PTPRD: variants seen among roughly 807,000 people sequenced by gnomAD.
PTPRD encodes receptor-type tyrosine-protein phosphatase delta.
Under a neutral mutation model 214.5 loss-of-function variants are expected in PTPRD, and 34 were observed. The observed-to-expected ratio is 0.16, with a 90% CI of 0.12 to 0.21. The LOEUF (loss-of-function observed/expected upper bound fraction) is 0.21, where lower values mean the gene tolerates loss of function less well. Ranked by LOEUF, PTPRD falls within the 10% of genes least tolerant of loss-of-function variation. The pLI, the probability that PTPRD is intolerant of heterozygous loss-of-function variation, is 1.00. For missense variants in PTPRD, 2,545 were observed against 2,398.7 expected (o/e 1.06, Z -1.27); for synonymous variants, 1,128 against 845.7 (o/e 1.33, Z -5.79).
At chr9:9,222,077 C>G (rs1389035261) in intron 9 of PTPRD, among the ~76,000 whole-genome samples, 1 of 151,986 alleles carries the variant, frequency 6.6e-6, no homozygotes, top group Non-Finnish European at 1.5e-5. Flanking sequence ...ACTAGAACTG[C>G]CAAATGTATC....
rs993335367 is a variant in PTPRD, at chr9:8,659,131, C to T, written c.65-22287G>A. 2.0e-5 allele frequency among the ~76,000 whole-genome samples: 3 copies of T among 151,980 alleles called. No homozygotes were observed. In the South Asian group the frequency reaches 6.2e-4, roughly 32 times the overall value. On this transcript the variant is annotated intron_variant, in intron 12 of 45. Coordinates refer to ENST00000381196, the MANE Select transcript of PTPRD (RefSeq NM_002839.4). ...ACTGTGCCATTCCTTTGAAGCAGAACATTTCTGAATGAGAGGGGCATGATA... is the reference window on the plus strand; with the variant it reads ...ACTGTGCCATTCCTTTGAAGCAGAATATTTCTGAATGAGAGGGGCATGATA...
At chr9:9,220,306 T>A (rs1299791946) in intron 9 of PTPRD, among the ~76,000 whole-genome samples, 1 of 26,526 alleles carries the variant, frequency 3.8e-5, no homozygotes, top group Admixed American at 6.0e-4. Flanking sequence ...TAAACTTGCT[T>A]TTGCTTTTTT....
rs561129555 is a variant in PTPRD at position 9,275,593 on chromosome 9, G to C, written c.-202-92230C>G. 3.7e-4 allele frequency among the ~76,000 whole-genome samples: 56 copies of C among 151,362 alleles called. 1 individual carries two copies. The South Asian group carries it at 0.012, about 31-fold the overall frequency. On this transcript the variant is annotated intron_variant, in intron 9 of 45. Coordinates refer to ENST00000381196, the MANE Select transcript of PTPRD (RefSeq NM_002839.4). ...TATGCTTTCTGCTTAGGTTGGTCTA[G>C]ACCATTGGCTTGAACTGTAGGATGA...
At chr9:9,902,127 A>C (rs1045166799) in intron 5 of PTPRD, among the ~76,000 whole-genome samples, 1 of 152,140 alleles carries the variant, frequency 6.6e-6, no homozygotes, top group Non-Finnish European at 1.5e-5. Flanking sequence ...GTTTTCATAT[A>C]ATTGATATGT....
At chr9:10,214,061 A>G (rs2099529454) in intron 3 of PTPRD, among the ~76,000 whole-genome samples, 1 of 152,080 alleles carries the variant, frequency 6.6e-6, no homozygotes, top group African/African-American at 2.4e-5. Flanking sequence ...AGCCCCTCAT[A>G]TATGTAAAAG....
chr9:9,019,042 A>G (rs1023808296), intron 10 of PTPRD, among the ~76,000 whole-genome samples: 1 of 152,140 alleles, frequency 6.6e-6, no homozygotes, highest in Admixed American at 6.6e-5. Flanking sequence ...AAGAAATAAC[A>G]TACAGAACCA....
chr9:9,778,166 T>C (rs551479905), intron 5 of PTPRD, among the ~76,000 whole-genome samples: 2 of 152,110 alleles, frequency 1.3e-5, no homozygotes, highest in East Asian at 1.9e-4. Context: ...AGAGGTGACA[T>C]TGAAGGCAAG....
chr9:9,018,481 T>C (rs1467852594), intron 11 of PTPRD, among the ~76,000 whole-genome samples: 1 of 152,210 alleles, frequency 6.6e-6, no homozygotes, highest in East Asian at 1.9e-4. Context: ...CATAATATTT[T>C]TGTGTCTGCC....
intron 9 of PTPRD, among the ~76,000 whole-genome samples, chr9:9,188,307 A>C (rs1250731240): frequency 6.6e-6 from 1 of 152,070 alleles, no homozygotes; most frequent in Non-Finnish European, 1.5e-5. Flanking sequence ...TTCCAGTTTA[A>C]AGCAATTACA....
chr9:9,322,534 T>C (rs1161393559), intron 9 of PTPRD, among the ~76,000 whole-genome samples: 1 of 152,170 alleles, frequency 6.6e-6, no homozygotes, highest in African/African-American at 2.4e-5. Flanking sequence ...GTTTATGTAA[T>C]AGACCATTTT....
intron 5 of PTPRD, among the ~76,000 whole-genome samples, chr9:9,914,600 C>T (rs1461606701): frequency 3.9e-5 from 6 of 152,264 alleles, no homozygotes; most frequent in African/African-American, 4.8e-5. Flanking sequence ...GCCTGCGTTC[C>T]GAGTACGTGT....
At chr9:9,554,540 T>C (rs1351166128) in intron 8 of PTPRD, among the ~76,000 whole-genome samples, 1 of 151,770 alleles carries the variant, frequency 6.6e-6, no homozygotes, top group Non-Finnish European at 1.5e-5. Context: ...TTGAAAGAAA[T>C]ATATTCTGGC....
At chr9:9,913,002 T>A (rs1377941015) in intron 5 of PTPRD, among the ~76,000 whole-genome samples, 3 of 152,192 alleles carry the variant, frequency 2.0e-5, no homozygotes, top group African/African-American at 7.2e-5. Context: ...ACAATCAGAT[T>A]TTCTGTAAAC....
chr9:9,788,341 G>C (rs2098941233), intron 5 of PTPRD, among the ~76,000 whole-genome samples: 2 of 151,144 alleles, frequency 1.3e-5, no homozygotes, highest in Non-Finnish European at 2.9e-5. Flanking sequence ...CACGAAGTCA[G>C]GAGATCGAGA....
At chr9:9,072,331 A>T (rs926632206) in intron 10 of PTPRD, among the ~76,000 whole-genome samples, 1 of 148,128 alleles carries the variant, frequency 6.8e-6, no homozygotes, top group African/African-American at 2.5e-5. Flanking sequence ...ACTCCTTAAT[A>T]TTCCCATTTT....
At chr9:9,646,758 A>G (rs1257457784) in intron 7 of PTPRD, among the ~76,000 whole-genome samples, 3 of 152,292 alleles carry the variant, frequency 2.0e-5, no homozygotes, top group South Asian at 2.1e-4. Context: ...TTTCCTATAC[A>G]TGCATATCTA....
At chr9:9,333,043 T>A (rs986931295) in intron 9 of PTPRD, among the ~76,000 whole-genome samples, 5 of 151,984 alleles carry the variant, frequency 3.3e-5, no homozygotes, top group African/African-American at 1.2e-4. Context: ...ACAGAGCACT[T>A]CAAGCATTTA....
intron 2 of PTPRD, among the ~76,000 whole-genome samples, chr9:10,605,739 T>C (rs570220446): frequency 3.3e-5 from 5 of 151,914 alleles, no homozygotes; most frequent in East Asian, 1.9e-4. Flanking sequence ...AATTTTATGA[T>C]AACGTGGATA....
chr9:10,493,890 G>C (rs939945509), intron 2 of PTPRD, among the ~76,000 whole-genome samples: 2 of 151,858 alleles, frequency 1.3e-5, no homozygotes, highest in Non-Finnish European at 2.9e-5. Context: ...ATCTGTTTAA[G>C]TTACATGAAC....
Sources: allele counts gnomAD v4.1 joint callset (sites outside exome capture counted in the v4.1 genomes callset), GRCh38; gene constraint gnomAD v4.1.1; transcripts MANE v1.5; gene names NCBI Gene and HGNC (gene_info 2026-07-23, HGNC 2026-07-21).